CSMD3: variants seen among roughly 807,000 people sequenced by gnomAD.
CSMD3 encodes the protein CUB and sushi domain-containing protein 3.
In CSMD3, 177 loss-of-function variants were observed where a neutral mutation model predicts 435.2. The ratio of observed to expected loss-of-function variants is 0.41; its 90% confidence interval spans 0.36 to 0.46. The LOEUF (loss-of-function observed/expected upper bound fraction) is 0.46. Ranked by LOEUF, CSMD3 falls within the 20% of genes least tolerant of loss-of-function variation. CSMD3 has a pLI of 0.34. For missense variants in CSMD3, 4,265 were observed against 4,504.6 expected, an observed-to-expected ratio of 0.95 and a Z score of 1.52; for synonymous variants, 1,656 against 1,520.5, an observed-to-expected ratio of 1.09 and a Z score of -2.07.
At chr8:112,699,029 C>T (rs2076323097) in intron 13 of CSMD3, among the ~76,000 whole-genome samples, 1 of 152,060 alleles carries the variant, frequency 6.6e-6, no homozygotes, top group South Asian at 2.1e-4. Context: ...GACCCATCAG[C>T]ACTCTGTAAA....
At chr8:112,761,360 T>C (rs1159566862) in intron 13 of CSMD3, among the ~76,000 whole-genome samples, 1 of 152,160 alleles carries the variant, frequency 6.6e-6, no homozygotes, top group East Asian at 1.9e-4. Context: ...GAAAAGTATG[T>C]AGAATGTATT....
intron 13 of CSMD3, among the ~76,000 whole-genome samples, chr8:112,777,991 C>G (rs1422659673): frequency 6.6e-6 from 1 of 151,790 alleles, no homozygotes; most frequent in Non-Finnish European, 1.5e-5. Context: ...CAAAATAAAA[C>G]ATTTTATAAA....
In CSMD3 at chr8:112,231,533, T is replaced by C. The variant is rs749317210; in HGVS notation, c.10828+12A>G. 6.6e-6 allele frequency: 10 copies of C among 1,513,622 alleles called. No homozygotes were observed. The African/African-American group carries it at 1.2e-4, about 19-fold the overall frequency. 93.8% of individuals were successfully genotyped at this position (1,513,622 alleles called of 1,614,324 possible). ...TAACAGAAGTTCGTGAAAATCAAAATGAATACATTACCCAGTCTTTGTAGG... is the reference window on the plus strand; with the variant it reads ...TAACAGAAGTTCGTGAAAATCAAAACGAATACATTACCCAGTCTTTGTAGG... On this transcript the variant is annotated intron_variant, in intron 69 of 70. Transcript: ENST00000297405.
At chr8:112,460,392 G>T (rs1306628468) in intron 32 of CSMD3, among the ~76,000 whole-genome samples, 1 of 151,922 alleles carries the variant, frequency 6.6e-6, no homozygotes, top group Non-Finnish European at 1.5e-5. Context: ...AGAGAAAGCA[G>T]CATGAAGTTT....
chr8:113,386,729 A>G (rs2133129792), intron 1 of CSMD3, among the ~76,000 whole-genome samples: 1 of 152,024 alleles, frequency 6.6e-6, no homozygotes. Context: ...AGACCACTAC[A>G]TCAGAATAAA....
chr8:112,605,134 T>C (rs900222071), intron 22 of CSMD3, among the ~76,000 whole-genome samples: 6 of 152,134 alleles, frequency 3.9e-5, no homozygotes, highest in African/African-American at 1.2e-4. Context: ...AAATAATGGA[T>C]GCTGGTGATG....
chr8:112,645,333 G>A, intron 19 of CSMD3, 108 bp from the exon 20 acceptor site: 1 of 746,438 alleles, frequency 1.3e-6, no homozygotes, highest in Admixed American at 1.9e-5. Flanking sequence ...CTTTGCTTAT[G>A]CTACCTCCTA....
intron 9 of CSMD3, among the ~76,000 whole-genome samples, chr8:112,937,818 T>G (rs1159868174): frequency 6.6e-6 from 1 of 152,048 alleles, no homozygotes; most frequent in Non-Finnish European, 1.5e-5. Context: ...CAGTGCAAGT[T>G]TACTCAAATT....
At chr8:113,396,800 A>G (rs1272773719) in intron 1 of CSMD3, among the ~76,000 whole-genome samples, 1 of 152,108 alleles carries the variant, frequency 6.6e-6, no homozygotes, top group African/African-American at 2.4e-5. Flanking sequence ...ATTCCTGTAT[A>G]ATCACAGTTT....
chr8:112,232,504 G>C (rs1813184539), intron 68 of CSMD3, among the ~76,000 whole-genome samples: 1 of 152,120 alleles, frequency 6.6e-6, no homozygotes, highest in Non-Finnish European at 1.5e-5. Context: ...AGCTATTCAG[G>C]AGGCTGAGGC....
At chr8:113,207,836 T>C (rs941470614) in intron 3 of CSMD3, among the ~76,000 whole-genome samples, 3 of 152,158 alleles carry the variant, frequency 2.0e-5, no homozygotes, top group Non-Finnish European at 2.9e-5. Flanking sequence ...AGTATGGAAG[T>C]AATTAAAAGA....
rs1563912708 is a variant in CSMD3, at chr8:112,410,592, ATATATATATGTGTATATATATATG to A, written c.5396-1584_5396-1561del. On this transcript the variant is annotated intron_variant, in intron 32 of 70. Coordinates refer to ENST00000297405, the MANE Select transcript of CSMD3 (RefSeq NM_198123.2). ...GTACTATGTATATACATACATATGT[ATATATATATGTGTATATATATATG>A]TATATATATGTGTATATATATGTAT... is the stretch of plus-strand genomic sequence containing the variant. Among the ~76,000 whole-genome samples, 159 of 107,862 alleles carry A rather than the reference ATATATATATGTGTATATATATATG, an allele frequency of 1.5e-3. 1 individual carries two copies. Among genetic ancestry groups the A allele is most frequent in the African/African-American group, 5.4e-3 (151 of 27,908 alleles). The allele number at this position is 107,862 out of a possible 152,430, so 70.8% of individuals were successfully genotyped here.
At chr8:112,507,797 T>C (rs924382074) in intron 28 of CSMD3, among the ~76,000 whole-genome samples, 2 of 152,172 alleles carry the variant, frequency 1.3e-5, no homozygotes, top group East Asian at 3.9e-4. Context: ...AATTTTTCCA[T>C]TGTCTTTTGT....
chr8:112,467,815 C>A (rs545763541), intron 32 of CSMD3, among the ~76,000 whole-genome samples: 2 of 152,218 alleles, frequency 1.3e-5, no homozygotes, highest in Non-Finnish European at 2.9e-5. Context: ...GCCCAGGAAC[C>A]TCAAGGCTTG....
At chr8:112,646,204 CTA>C (rs1334426802) in intron 19 of CSMD3, among the ~76,000 whole-genome samples, 1 of 152,112 alleles carries the variant, frequency 6.6e-6, no homozygotes, top group Non-Finnish European at 1.5e-5. Context: ...CTTCAAAGGA[CTA>C]TATGTCATGC....
chr8:112,692,921 C>G (rs28488417), intron 13 of CSMD3, among the ~76,000 whole-genome samples: 2 of 49,210 alleles, frequency 4.1e-5, no homozygotes, highest in African/African-American at 1.0e-4. Flanking sequence ...TTATATCTAT[C>G]TATCTATCTA....
intron 35 of CSMD3, among the ~76,000 whole-genome samples, chr8:112,398,274 C>T (rs1448610244): frequency 1.3e-5 from 2 of 152,150 alleles, no homozygotes; most frequent in African/African-American, 4.8e-5. Context: ...GTCCCACATT[C>T]TGGACCTACT....
chr8:112,743,852 A>C (rs1261245545), intron 13 of CSMD3, among the ~76,000 whole-genome samples: 1 of 152,052 alleles, frequency 6.6e-6, no homozygotes, highest in African/African-American at 2.4e-5. Context: ...ATGCCAAGTA[A>C]GACAATTGCC....
At chr8:112,613,043 G>A (rs1255518237) in intron 22 of CSMD3, among the ~76,000 whole-genome samples, 3 of 151,916 alleles carry the variant, frequency 2.0e-5, no homozygotes, top group Non-Finnish European at 4.4e-5. Context: ...AAGGTGCTGG[G>A]ATTATAGGCA....
Sources: allele counts gnomAD v4.1 joint callset (sites outside exome capture counted in the v4.1 genomes callset), GRCh38; gene constraint gnomAD v4.1.1; transcripts MANE v1.5; gene names NCBI Gene and HGNC (gene_info 2026-07-23, HGNC 2026-07-21).